Variants in SLC4A7 observed in about 807,000 individuals in gnomAD.
SLC4A7 encodes the protein sodium bicarbonate cotransporter 3.
A neutral mutation model predicts 137.6 loss-of-function variants in SLC4A7; 51 were observed. The observed-to-expected ratio is 0.37, with a 90% CI of 0.30 to 0.47. The LOEUF is 0.47. Ranked by LOEUF, SLC4A7 falls within the 20% of genes least tolerant of loss-of-function variation. The pLI is 1.00. For missense variants in SLC4A7, 1,247 were observed against 1,525.4 expected (o/e 0.82, Z 3.04); for synonymous variants, 542 against 518.6 (o/e 1.05, Z -0.61).
chr3:27,450,929 G>C lies in SLC4A7; in HGVS notation c.142+1488C>G, dbSNP rs191779200. 1.5e-4 allele frequency among the ~76,000 whole-genome samples: 23 copies of C among 152,094 alleles called. No homozygotes were observed. In the East Asian group the frequency reaches 4.1e-3, roughly 27 times the overall value. ...AGCTTAGGGCCTGTGATAACCAAAG[G>C]AATCGAAGGAATATCCAGGTTATGT... On this transcript the variant is annotated intron_variant, in intron 2 of 25. Coordinates refer to ENST00000454389, the MANE Select transcript of SLC4A7 (RefSeq NM_001321103.2).
intron 7 of SLC4A7, among the ~76,000 whole-genome samples, chr3:27,430,347 A>T (rs2056142437): frequency 6.6e-6 from 1 of 151,548 alleles, no homozygotes; most frequent in Admixed American, 6.6e-5. Flanking sequence ...GGCAAGACGC[A>T]ATCAATGGCC....
chr3:27,445,982 AT>A, intron 3 of SLC4A7, among the ~76,000 whole-genome samples: 1 of 123,252 alleles, frequency 8.1e-6, no homozygotes, highest in African/African-American at 3.0e-5. Context: ...ATATATATAT[AT>A]ATATATATAG....
intron 14 of SLC4A7, 60 bp downstream of exon 14, chr3:27,404,770 T>C: frequency 6.7e-6 from 9 of 1,346,448 alleles, no homozygotes; most frequent in Non-Finnish European, 9.2e-6. Context: ...AATTCCCTTC[T>C]AAGTTAATAA....
chr3:27,464,296 C>T (rs893391936), intron 1 of SLC4A7, among the ~76,000 whole-genome samples: 1 of 152,130 alleles, frequency 6.6e-6, no homozygotes, highest in South Asian at 2.1e-4. Context: ...TCTGTTTCAA[C>T]GAAGATCATG....
chr3:27,446,139 T>C (rs1395094464), intron 3 of SLC4A7, among the ~76,000 whole-genome samples: 1 of 150,506 alleles, frequency 6.6e-6, no homozygotes, highest in Admixed American at 6.6e-5. Flanking sequence ...TATATATATA[T>C]AAAAATCATA....
At chr3:27,377,479 A>G (rs946764181) in intron 25 of SLC4A7, among the ~76,000 whole-genome samples, 3 of 151,802 alleles carry the variant, frequency 2.0e-5, no homozygotes, top group Non-Finnish European at 4.4e-5. Flanking sequence ...TGCAACCTCC[A>G]CCTCCCAGGT....
At chr3:27,441,637 C>T (rs2057201699) in intron 3 of SLC4A7, among the ~76,000 whole-genome samples, 1 of 152,046 alleles carries the variant, frequency 6.6e-6, no homozygotes, top group South Asian at 2.1e-4. Context: ...GGGAGATGCA[C>T]ATTGCCATAC....
chr3:27,473,829 T>C (rs767001455), intron 1 of SLC4A7, among the ~76,000 whole-genome samples: 2 of 150,966 alleles, frequency 1.3e-5, no homozygotes, highest in South Asian at 4.2e-4. Flanking sequence ...AATACATACA[T>C]AAAATCACAA....
At chr3:27,447,491 CGCCTATAGGAT>C (rs1420951332) in intron 3 of SLC4A7, among the ~76,000 whole-genome samples, 7 of 152,030 alleles carry the variant, frequency 4.6e-5, no homozygotes, top group Non-Finnish European at 7.4e-5. Context: ...AGCATGCAAC[CGCCTATAGGAT>C]GTGGCTCACA....
intron 7 of SLC4A7, among the ~76,000 whole-genome samples, chr3:27,426,539 C>T (rs1347192976): frequency 3.3e-5 from 5 of 151,966 alleles, no homozygotes; most frequent in African/African-American, 4.8e-5. Context: ...GCATACATAA[C>T]GCACAGTTTT....
chr3:27,464,435 C>T (rs1178203022), intron 1 of SLC4A7, among the ~76,000 whole-genome samples: 1 of 151,918 alleles, frequency 6.6e-6, no homozygotes, highest in Non-Finnish European at 1.5e-5. Flanking sequence ...AGGCAGGGAG[C>T]GGTAGCTCAC....
chr3:27,393,076 G>C (rs1394197500), intron 20 of SLC4A7, among the ~76,000 whole-genome samples: 1 of 152,040 alleles, frequency 6.6e-6, no homozygotes. Context: ...ATTTGTAACA[G>C]AGACAATAGA....
At chr3:27,381,956 G>A (rs2050462384) in intron 24 of SLC4A7, among the ~76,000 whole-genome samples, 1 of 152,066 alleles carries the variant, frequency 6.6e-6, no homozygotes, top group African/African-American at 2.4e-5. Context: ...GGGCGTGGTG[G>A]CAGGCGCCTG....
At position 27,392,811 on chromosome 3, in the gene SLC4A7, G is replaced by A. The variant is rs972279834; in HGVS notation, c.3118-1003C>T. ...ACTGCACTCCAGCCTGGGTGATGGA[G>A]TGAGACTCTGTCTCAAAAGAAAAAA... On this transcript the variant is annotated intron_variant, in intron 20 of 25. Transcript: ENST00000454389. Among the ~76,000 whole-genome samples the A allele has an allele frequency of 3.3e-5, 5 of 151,840 alleles. 1 individual carries two copies. The highest frequency in any genetic ancestry group is 7.4e-5 in the Non-Finnish European group (5 of 68,004).
intron 3 of SLC4A7, among the ~76,000 whole-genome samples, chr3:27,439,296 TAAAAG>T (rs1409483848): frequency 2.0e-5 from 3 of 151,758 alleles, no homozygotes; most frequent in Non-Finnish European, 4.4e-5. Flanking sequence ...ACAAGGAAAA[TAAAAG>T]AATAGGAGGA....
chr3:27,392,292 G>A (rs1040812850), intron 20 of SLC4A7, among the ~76,000 whole-genome samples: 1 of 152,128 alleles, frequency 6.6e-6, no homozygotes, highest in African/African-American at 2.4e-5. Flanking sequence ...TACTTTGGCA[G>A]TTATGATGAT....
chr3:27,475,090 G>A (rs762780636), intron 1 of SLC4A7, among the ~76,000 whole-genome samples: 1 of 152,016 alleles, frequency 6.6e-6, no homozygotes, highest in East Asian at 1.9e-4. Context: ...GGGTGACAGA[G>A]CGAGATTGCG....
chr3:27,444,010 A>T (rs1352571311), intron 3 of SLC4A7, among the ~76,000 whole-genome samples: 1 of 152,220 alleles, frequency 6.6e-6, no homozygotes, highest in Non-Finnish European at 1.5e-5. Context: ...GATCTTGGTA[A>T]ATATTCCATT....
chr3:27,475,376 T>G (rs1361975049), intron 1 of SLC4A7, among the ~76,000 whole-genome samples: 1 of 151,044 alleles, frequency 6.6e-6, no homozygotes, highest in East Asian at 1.9e-4. Flanking sequence ...AATTCCAATT[T>G]GCACATGAGA....
Sources: allele counts gnomAD v4.1 joint callset (sites outside exome capture counted in the v4.1 genomes callset), GRCh38; gene constraint gnomAD v4.1.1; transcripts MANE v1.5; gene names NCBI Gene and HGNC (gene_info 2026-07-23, HGNC 2026-07-21).